LRBA: variants seen among roughly 807,000 people sequenced by gnomAD.
LRBA encodes LPS responsive beige-like anchor protein, also known as lipopolysaccharide-responsive and beige-like anchor protein.
A neutral mutation model predicts 330.0 loss-of-function variants in LRBA; 176 were observed. The ratio of observed to expected loss-of-function variants is 0.53; its 90% CI spans 0.47 to 0.60. The LOEUF (loss-of-function observed/expected upper bound fraction) is 0.60. LRBA is among the 20% of genes least tolerant of loss of function. The probability of loss-of-function intolerance (pLI) is 0.00; values close to 1 mark genes in which losing one functional copy is unlikely to be tolerated. For synonymous variants in LRBA, 1,230 were observed against 1,193.0 expected (o/e 1.03, Z -0.64); for missense variants, 3,259 against 3,444.8 (o/e 0.95, Z 1.35).
intron 53 of LRBA, among the ~76,000 whole-genome samples, chr4:150,291,335 C>CAT (rs1728263288): frequency 1.6e-5 from 1 of 63,288 alleles, no homozygotes; most frequent in African/African-American, 6.9e-5. Context: ...TGACAAAGGG[C>CAT]TAATATCCAG....
intron 48 of LRBA, among the ~76,000 whole-genome samples, chr4:150,346,783 A>AAAAAAAAAAAAAAC (rs1736408222): frequency 7.5e-5 from 10 of 133,584 alleles, no homozygotes; most frequent in African/African-American, 2.6e-4. Flanking sequence ...AAAAAAAAAA[A>AAAAAAAAAAAAAAC]AAAACACTTA....
intron 40 of LRBA, among the ~76,000 whole-genome samples, chr4:150,502,166 C>A (rs2010260900): frequency 6.6e-6 from 1 of 152,104 alleles, no homozygotes; most frequent in Non-Finnish European, 1.5e-5. Flanking sequence ...AAGAATCATC[C>A]TAAGAAATTA....
chr4:150,699,512 T>C (rs988070356), intron 36 of LRBA, among the ~76,000 whole-genome samples: 1 of 152,050 alleles, frequency 6.6e-6, no homozygotes, highest in South Asian at 2.1e-4. Context: ...ATAGTGTAGA[T>C]AGGAACCTGA....
chr4:150,648,257 T>C (rs796612823), intron 37 of LRBA, among the ~76,000 whole-genome samples: 29 of 144,510 alleles, frequency 2.0e-4, no homozygotes, highest in African/African-American at 7.1e-4. Flanking sequence ...ACAAATATCA[T>C]AAATAAACAA....
intron 47 of LRBA, among the ~76,000 whole-genome samples, chr4:150,384,116 G>A (rs1742706933): frequency 6.6e-6 from 1 of 151,648 alleles, no homozygotes; most frequent in Non-Finnish European, 1.5e-5. Flanking sequence ...TCAGCTCACC[G>A]CAACCTCCAT....
chr4:150,873,518 A>C (rs970851434), intron 17 of LRBA, among the ~76,000 whole-genome samples: 1 of 151,906 alleles, frequency 6.6e-6, no homozygotes, highest in Admixed American at 6.6e-5. Flanking sequence ...TGAACCTGGG[A>C]GGTGGAGGTT....
At chr4:150,917,024 G>A (rs529814956) in intron 5 of LRBA, among the ~76,000 whole-genome samples, 2 of 152,046 alleles carry the variant, frequency 1.3e-5, no homozygotes, top group South Asian at 4.2e-4. Context: ...ACGGTGGTGG[G>A]TGCCTGTAGT....
intron 44 of LRBA, among the ~76,000 whole-genome samples, chr4:150,466,701 G>C (rs1755493195): frequency 6.6e-6 from 1 of 151,944 alleles, no homozygotes; most frequent in South Asian, 2.1e-4. Context: ...AAATTACTAA[G>C]GAAAGAAGCT....
chr4:150,302,685 C>T lies in LRBA; in HGVS notation c.7957G>A (p.Ala2653Thr). The T allele has an allele frequency of 1.2e-6, 2 of 1,612,980 alleles. No individual in the cohort carries two copies. The highest frequency in any genetic ancestry group is 1.7e-6 in the Non-Finnish European group (2 of 1,179,320). The change falls in exon 53 of 57, where the codon GCA (alanine) becomes ACA (threonine). Residue 2653 changes from alanine to threonine, a missense_variant. By Grantham distance (58) the Ala-to-Thr change is moderately conservative. Coordinates refer to ENST00000651943, the MANE Select transcript of LRBA (RefSeq NM_001364905.1). ...NCYILSGSRD[A>T]TLLLWYWNGK... ...TTCCAATACCACAGCAAAAGAGTTG[C>T]ATCACGTGACCCTGAGAGAATGTAG...
chr4:150,390,845 A>G (rs1425122540), intron 47 of LRBA, among the ~76,000 whole-genome samples: 1 of 152,104 alleles, frequency 6.6e-6, no homozygotes, highest in Non-Finnish European at 1.5e-5. Flanking sequence ...TTCAGCTAGA[A>G]CCTCTCAAGC....
chr4:150,380,003 T>TA (rs371691815), intron 47 of LRBA, among the ~76,000 whole-genome samples: 19,876 of 114,422 alleles, frequency 0.17, 2,452 homozygotes, highest in Non-Finnish European at 0.25. Context: ...TTTCTACTAC[T>TA]AAAAAAAAAA....
rs554341903 is a variant in LRBA at position 150,871,234 on chromosome 4, C to T, written c.2367+111G>A. 33 of 598,658 alleles carry T rather than the reference C, an allele frequency of 5.5e-5. 1 individual carries two copies. In the South Asian group the frequency reaches 6.7e-4, roughly 12 times the overall value. The allele number at this position is 598,658 out of a possible 1,614,324, so 37.1% of individuals were successfully genotyped here. ...CTCCAGCCTGGGTGACAGAGTGAGA[C>T]TCTGTCTCAAAAAATAAAATAAAAA... On this transcript the variant is annotated intron_variant, in intron 19 of 56. Coordinates refer to ENST00000651943, the MANE Select transcript of LRBA (RefSeq NM_001364905.1).
intron 40 of LRBA, among the ~76,000 whole-genome samples, chr4:150,501,406 G>A (rs751853610): frequency 9.9e-5 from 15 of 152,128 alleles, no homozygotes; most frequent in Non-Finnish European, 1.3e-4. Flanking sequence ...GAGCTCAGGA[G>A]TTCAAGATCA....
At position 150,817,272 on chromosome 4, in the gene LRBA, G is replaced by T; in HGVS notation, c.5172-15C>A. On this transcript the variant is annotated splice_polypyrimidine_tract_variant and intron_variant, in intron 30 of 56. Coordinates refer to ENST00000651943, the MANE Select transcript of LRBA (RefSeq NM_001364905.1). Reference sequence around the variant, plus strand: ...CAATGACACTTCTGTAATAAAGAAAGTAAACAGACTGAAAGATACAAATTG... The same window carrying T: ...CAATGACACTTCTGTAATAAAGAAATTAAACAGACTGAAAGATACAAATTG... The T allele has an allele frequency of 6.2e-7, 1 of 1,609,426 alleles. No individual in the cohort carries two copies. Among genetic ancestry groups the T allele is most frequent in the Non-Finnish European group, 8.5e-7 (1 of 1,176,632 alleles).
intron 40 of LRBA, among the ~76,000 whole-genome samples, chr4:150,587,194 A>T (rs1772215473): frequency 6.6e-6 from 1 of 152,190 alleles, no homozygotes; most frequent in African/African-American, 2.4e-5. Flanking sequence ...AATACTTCTA[A>T]ATCATTCAGA....
intron 35 of LRBA, among the ~76,000 whole-genome samples, chr4:150,747,328 T>C (rs1428454072): frequency 1.3e-5 from 2 of 152,228 alleles, no homozygotes; most frequent in Non-Finnish European, 2.9e-5. Context: ...TCTTCTTTAG[T>C]ACTTATTACT....
chr4:150,952,711 T>C (rs1736980259), intron 2 of LRBA, among the ~76,000 whole-genome samples: 1 of 152,136 alleles, frequency 6.6e-6, no homozygotes, highest in African/African-American at 2.4e-5. Context: ...TCTTGGTATC[T>C]GCATATCTCT....
chr4:150,408,079 G>A (rs1746450773), intron 47 of LRBA, among the ~76,000 whole-genome samples: 1 of 151,882 alleles, frequency 6.6e-6, no homozygotes, highest in Non-Finnish European at 1.5e-5. Context: ...AGAACACAGA[G>A]ACACCATAGA....
chr4:150,310,598 A>G lies in LRBA; in HGVS notation c.7694-214T>C, dbSNP rs2305978. ...TCAGTTAAAAATTTTGCTTAGAGGA[A>G]AGAAAGAATAACACACTACTATTTA... is the stretch of plus-strand genomic sequence containing the variant. On this transcript the variant is annotated intron_variant, in intron 51 of 56. Transcript: ENST00000651943. 1.5e-3 allele frequency: 687 copies of G among 463,202 alleles called. 12 individuals are homozygous for G. In the East Asian group the frequency reaches 0.023, roughly 15 times the overall value. 28.7% of individuals were successfully genotyped at this position (463,202 alleles called of 1,614,324 possible).
Sources: gnomAD v4.1 joint callset for allele counts (sites outside exome capture counted in the v4.1 genomes callset) on GRCh38, gnomAD v4.1.1 for gene constraint, MANE v1.5 for transcripts, NCBI Gene and HGNC (gene_info 2026-07-23, HGNC 2026-07-21) for gene names.